IARS1: variants seen among roughly 807,000 people sequenced by gnomAD.
IARS1 encodes isoleucine--tRNA ligase, cytoplasmic.
In IARS1, 124 loss-of-function variants were observed where a neutral mutation model predicts 168.2. The ratio of observed to expected loss-of-function variants is 0.74; its 90% CI spans 0.64 to 0.86. The LOEUF (loss-of-function observed/expected upper bound fraction) is 0.86, where lower values mean the gene tolerates loss of function less well. IARS1 is among the 40% of genes least tolerant of loss of function. IARS1 has a pLI of 0.00. For missense variants in IARS1, 1,452 were observed against 1,515.8 expected, an observed-to-expected ratio of 0.96 and a Z score of 0.70; for synonymous variants, 532 against 529.4, an observed-to-expected ratio of 1.00 and a Z score of -0.07.
At chr9:92,248,984 T>C (rs948623970) in intron 25 of IARS1, among the ~76,000 whole-genome samples, 2 of 152,192 alleles carry the variant, frequency 1.3e-5, no homozygotes, top group Non-Finnish European at 2.9e-5. Context: ...ACTATAAACT[T>C]TGACCCCAAA....
intron 31 of IARS1, among the ~76,000 whole-genome samples, chr9:92,226,807 C>CTTTT (rs748657152): frequency 7.4e-6 from 1 of 135,372 alleles, no homozygotes; most frequent in South Asian, 2.4e-4. Context: ...TGGCCACCTT[C>CTTTT]TTTTTTTTTT....
chr9:92,250,193 G>C lies in IARS1; in HGVS notation c.2526C>G (p.Pro842=), dbSNP rs769569659. 1.3e-6 allele frequency: 2 copies of C among 1,593,814 alleles called. No individual in the cohort carries two copies. The highest frequency in any genetic ancestry group is 3.3e-5 in the Admixed American group (2 of 59,988). The change falls in exon 24 of 34, where the codon CCC becomes CCG. Residue 842 remains proline, a synonymous_variant. Transcript: ENST00000443024. ...TAGAAGTAAAATTTCAAACCTTTATGGGAATAGTTTTTCGGTCTCTGATCA... is the reference window on the plus strand; with the variant it reads ...TAGAAGTAAAATTTCAAACCTTTATCGGAATAGTTTTTCGGTCTCTGATCA... ...GRVIRDRKTI[P]IKYPLKEIVV...
At chr9:92,287,598 TA>T (rs1835653771) in intron 4 of IARS1, 192 bp downstream of exon 4, 2 of 482,606 alleles carry the variant, frequency 4.1e-6, no homozygotes, top group East Asian at 7.5e-5. Flanking sequence ...TTAGACCAAT[TA>T]AGCACACAGA....
intron 13 of IARS1, 83 bp from the exon 14 acceptor site, chr9:92,268,383 A>G: frequency 3.5e-6 from 5 of 1,415,622 alleles, no homozygotes; most frequent in Non-Finnish European, 2.0e-6. Context: ...GAGCCTTTGT[A>G]TAACGCTTTG....
chr9:92,260,130 AG>A lies in IARS1; in HGVS notation c.1871+20del, dbSNP rs1831312218. 4 of 1,520,070 alleles carry A rather than the reference AG, an allele frequency of 2.6e-6. No homozygotes were observed. The South Asian group carries it at 4.5e-5, about 17-fold the overall frequency. 94.2% of individuals were successfully genotyped at this position (1,520,070 alleles called of 1,614,324 possible). ...CATAAAAAAACAATAGATACACACA[AG>A]GCAAAGCACTGGTTTGTACCTGAGG... is the stretch of plus-strand genomic sequence containing the variant. On this transcript the variant is annotated intron_variant, in intron 18 of 33. Coordinates refer to ENST00000443024, the MANE Select transcript of IARS1 (RefSeq NM_002161.6).
chr9:92,249,865 A>G lies in IARS1; in HGVS notation c.2609T>C (p.Ile870Thr), dbSNP rs757465898. 1 of 1,566,266 alleles carries G rather than the reference A, an allele frequency of 6.4e-7. No homozygotes were observed. The highest frequency in any genetic ancestry group is 8.8e-7 in the Non-Finnish European group (1 of 1,138,172). ...LKDIKSLEKYIIEELNVRKVT... is the reference protein window; with the variant it reads ...LKDIKSLEKYTIEELNVRKVT... ...ACAAATCATCTACCTTACCTCAATG[A>G]TATACTTCTCCAAAGACTTGATATC... The change falls in exon 25 of 34, where the codon ATC becomes ACC. Residue 870 changes from isoleucine to threonine, a missense_variant. Physicochemically the swap from Ile to Thr is moderately conservative, Grantham distance 89 (BLOSUM62 -1). Coordinates refer to ENST00000443024, the MANE Select transcript of IARS1 (RefSeq NM_002161.6).
At chr9:92,214,411 G>C (rs547480069) in intron 33 of IARS1, among the ~76,000 whole-genome samples, 128 of 152,120 alleles carry the variant, frequency 8.4e-4, no homozygotes, top group African/African-American at 2.8e-3. Flanking sequence ...CAAAAATTGG[G>C]GGAGGAGCCA....
At chr9:92,268,080 G>GA (rs1365600156) in intron 14 of IARS1, 94 bp downstream of exon 14, 4 of 1,336,574 alleles carry the variant, frequency 3.0e-6, no homozygotes, top group South Asian at 3.3e-5. Flanking sequence ...AAGGGGCAAA[G>GA]AAAAAAACAC....
rs1828520824 is a variant in IARS1, at chr9:92,242,162, T to C, written c.3169A>G (p.Lys1057Glu). 6.2e-7 allele frequency: 1 copy of C among 1,613,516 alleles called. No homozygotes were observed. The highest frequency in any genetic ancestry group is 8.5e-7 in the Non-Finnish European group (1 of 1,179,696). The change falls in exon 29 of 34, where the codon AAA becomes GAA. Residue 1057 changes from lysine (K) to glutamate (E), a missense_variant. Lys to Glu is a moderately conservative substitution (Grantham distance 56). Transcript: ENST00000443024. ...SPSDKVLIQE[K>E]TQLKGSELEI... ...TGGAACTCAGGACTCACCTGTGTTT[T>C]TTCTTGAATAAGGACTTTATCCGAT...
chr9:92,271,086 A>G lies in IARS1; in HGVS notation c.1114-10T>C. ...TACTTTTGTCAGCATCCTATTAAAA[A>G]AAATTAAAATTTAGCCATTAAAACA... On this transcript the variant is annotated splice_polypyrimidine_tract_variant and intron_variant, in intron 11 of 33. Coordinates refer to ENST00000443024, the MANE Select transcript of IARS1 (RefSeq NM_002161.6). 2.5e-6 allele frequency: 4 copies of G among 1,575,522 alleles called. No individual in the cohort carries two copies. The highest frequency in any genetic ancestry group is 3.5e-6 in the Non-Finnish European group (4 of 1,156,578).
intron 30 of IARS1, among the ~76,000 whole-genome samples, chr9:92,233,372 G>C (rs932529972): frequency 1.3e-4 from 20 of 152,148 alleles, no homozygotes; most frequent in African/African-American, 4.8e-4. Flanking sequence ...GTCATCCAAC[G>C]ATAGTTAATT....
At chr9:92,242,020 C>A in intron 29 of IARS1, 134 bp downstream of exon 29, 1 of 691,972 alleles carries the variant, frequency 1.4e-6, no homozygotes, top group Non-Finnish European at 2.5e-6. Flanking sequence ...CTACCCACTA[C>A]TGTCCAGAGC....
rs1435015703 is a variant in IARS1, at chr9:92,240,890, G to A, written c.3249C>T (p.Val1083=). Residue 1083 remains valine, a synonymous_variant, in exon 30 of 34, where the codon GTC becomes GTT. Transcript: ENST00000443024. The stretch of plus-strand genomic sequence containing the variant: ...TGCCATTTGCACAAATGTTAAGATT[G>A]ACATATGCACAAGCAGGACCAGGAA... The part of the protein sequence containing the change: ...SSLPGPACAY[V]NLNICANGSE... 3 of 1,612,668 alleles carry A rather than the reference G, an allele frequency of 1.9e-6. No homozygotes were observed. Among genetic ancestry groups the A allele is most frequent in the Non-Finnish European group, 2.5e-6 (3 of 1,178,840 alleles).
At chr9:92,243,156 C>T in intron 28 of IARS1, 60 bp downstream of exon 28, 1 of 1,268,300 alleles carries the variant, frequency 7.9e-7, no homozygotes, top group South Asian at 1.2e-5. Context: ...CTATCTTCTC[C>T]AAACAACCAA....
intron 33 of IARS1, among the ~76,000 whole-genome samples, chr9:92,214,179 T>C (rs966058093): frequency 1.3e-5 from 2 of 151,952 alleles, no homozygotes; most frequent in African/African-American, 2.4e-5. Context: ...ACTAGACGTA[T>C]GCTTCTTAAA....
intron 30 of IARS1, 22 bp downstream of exon 30, chr9:92,240,833 CA>C (rs1262717408): frequency 6.7e-7 from 1 of 1,481,742 alleles, no homozygotes; most frequent in East Asian, 2.3e-5. Context: ...AAAAGTCACA[CA>C]AATCATGGAA....
At chr9:92,265,458 A>T (rs1832147544) in intron 15 of IARS1, 22 bp downstream of exon 15, 1 of 1,603,420 alleles carries the variant, frequency 6.2e-7, no homozygotes, top group Admixed American at 1.7e-5. Flanking sequence ...AACTGAAGTG[A>T]ATCGAACATT....
At position 92,271,058 on chromosome 9, in the gene IARS1, T is replaced by C; in HGVS notation, c.1132A>G (p.Ile378Val). The change falls in exon 12 of 34, where the codon ATC becomes GTC. Residue 378 changes from isoleucine (I) to valine (V), a missense_variant. By Grantham distance (29) the Ile-to-Val change is conservative. Coordinates refer to ENST00000443024, the MANE Select transcript of IARS1 (RefSeq NM_002161.6). ...QYVKDADKSI[I>V]RTLKEQGRLL... ...CGGCCTTGTTCCTTCAAAGTCCTGATGATACTTTTGTCAGCATCCTATTAA... is the reference window on the plus strand; with the variant it reads ...CGGCCTTGTTCCTTCAAAGTCCTGACGATACTTTTGTCAGCATCCTATTAA... 6.2e-7 allele frequency: 1 copy of C among 1,607,368 alleles called. No individual in the cohort carries two copies.
chr9:92,257,375 T>C (rs551285366), intron 19 of IARS1, among the ~76,000 whole-genome samples: 1 of 152,340 alleles, frequency 6.6e-6, no homozygotes, highest in East Asian at 1.9e-4. Flanking sequence ...CCTCTGTGTT[T>C]AAGGCCCTGA....
Sources: allele counts gnomAD v4.1 joint callset (sites outside exome capture counted in the v4.1 genomes callset), GRCh38; gene constraint gnomAD v4.1.1; transcripts MANE v1.5; gene names NCBI Gene and HGNC (gene_info 2026-07-23, HGNC 2026-07-21).